SLC25A13: variants seen among roughly 807,000 people sequenced by gnomAD.
SLC25A13 encodes electrogenic aspartate/glutamate antiporter SLC25A13, mitochondrial.
SLC25A13 carries 70 observed loss-of-function variants against 85.5 expected under a neutral mutation model. The observed-to-expected ratio is 0.82, with a 90% confidence interval of 0.68 to 1.00. SLC25A13 has a LOEUF of 1.00. Among genes scored for constraint, SLC25A13 ranks in the 50% least tolerant of loss-of-function variants. The pLI is 0.00. For missense variants in SLC25A13, 765 were observed against 819.8 expected (o/e 0.93, Z 0.82); for synonymous variants, 259 against 288.7 (o/e 0.90, Z 1.04).
At chr7:96,301,340 G>T (rs1012575340) in intron 1 of SLC25A13, among the ~76,000 whole-genome samples, 1 of 152,072 alleles carries the variant, frequency 6.6e-6, no homozygotes, top group Non-Finnish European at 1.5e-5. Flanking sequence ...TTAATAGCAT[G>T]CAAATATTTA....
chr7:96,210,382 AAAAC>A (rs1395371005), intron 4 of SLC25A13, among the ~76,000 whole-genome samples: 5 of 152,334 alleles, frequency 3.3e-5, no homozygotes, highest in South Asian at 4.1e-4. Context: ...ATTTAAAGGA[AAAAC>A]AAACAAACAA....
At chr7:96,199,532 A>G (rs995912193) in intron 5 of SLC25A13, among the ~76,000 whole-genome samples, 3 of 152,176 alleles carry the variant, frequency 2.0e-5, no homozygotes, top group African/African-American at 7.2e-5. Flanking sequence ...ACAGTTACCA[A>G]CTGAAGACAA....
At chr7:96,283,972 T>C (rs1798791956) in intron 2 of SLC25A13, among the ~76,000 whole-genome samples, 1 of 152,122 alleles carries the variant, frequency 6.6e-6, no homozygotes, top group Admixed American at 6.5e-5. Context: ...TACCAAAAGA[T>C]GTGAGGTAAC....
intron 15 of SLC25A13, among the ~76,000 whole-genome samples, chr7:96,130,062 T>C (rs1391672816): frequency 2.6e-5 from 4 of 152,206 alleles, no homozygotes; most frequent in African/African-American, 9.6e-5. Context: ...TGAGTAATAT[T>C]AGTTTCAAAA....
chr7:96,295,872 CAT>C (rs551353913), intron 2 of SLC25A13, among the ~76,000 whole-genome samples: 157 of 150,642 alleles, frequency 1.0e-3, no homozygotes, highest in African/African-American at 3.5e-3. Context: ...AATAATATAT[CAT>C]ATATGTGTGT....
At chr7:96,201,794 G>A (rs891178821) in intron 5 of SLC25A13, among the ~76,000 whole-genome samples, 3 of 152,110 alleles carry the variant, frequency 2.0e-5, no homozygotes, top group African/African-American at 4.8e-5. Flanking sequence ...GTTGGGCGGG[G>A]GTAGTAGCAA....
chr7:96,239,386 A>G (rs900398190), intron 3 of SLC25A13, among the ~76,000 whole-genome samples: 1 of 148,530 alleles, frequency 6.7e-6, no homozygotes, highest in South Asian at 2.1e-4. Flanking sequence ...ATGTATATAC[A>G]TATATATATA....
intron 3 of SLC25A13, among the ~76,000 whole-genome samples, chr7:96,244,005 C>T (rs530275242): frequency 6.6e-6 from 1 of 152,130 alleles, no homozygotes; most frequent in Non-Finnish European, 1.5e-5. Context: ...CACGGGCCGC[C>T]GGGTGAAGCA....
At chr7:96,172,612 G>A (rs993651146) in intron 11 of SLC25A13, among the ~76,000 whole-genome samples, 1 of 151,870 alleles carries the variant, frequency 6.6e-6, no homozygotes, top group African/African-American at 2.4e-5. Flanking sequence ...CATGGGCTCA[G>A]TTCTGACCGA....
chr7:96,135,170 A>G (rs1439049941), intron 14 of SLC25A13, among the ~76,000 whole-genome samples: 1 of 152,192 alleles, frequency 6.6e-6, no homozygotes, highest in African/African-American at 2.4e-5. Flanking sequence ...AATATGTGTG[A>G]AAGTCCTTGT....
intron 13 of SLC25A13, among the ~76,000 whole-genome samples, chr7:96,157,988 C>T (rs1281603490): frequency 6.6e-6 from 1 of 152,168 alleles, no homozygotes; most frequent in Non-Finnish European, 1.5e-5. Context: ...TTAACAGTTA[C>T]ATGTGCCTTA....
chr7:96,293,902 C>G (rs1159151550), intron 2 of SLC25A13, among the ~76,000 whole-genome samples: 6 of 152,118 alleles, frequency 3.9e-5, no homozygotes, highest in Non-Finnish European at 7.3e-5. Flanking sequence ...ACTAGAAATA[C>G]CATTTGACCC....
At chr7:96,132,205 T>A (rs1288641070) in intron 14 of SLC25A13, among the ~76,000 whole-genome samples, 1 of 152,196 alleles carries the variant, frequency 6.6e-6, no homozygotes, top group East Asian at 1.9e-4. Context: ...GGCAAGCCAC[T>A]GGCATTTCAA....
chr7:96,297,830 T>C (rs1038354600), intron 1 of SLC25A13, among the ~76,000 whole-genome samples: 3 of 152,196 alleles, frequency 2.0e-5, no homozygotes, highest in African/African-American at 7.2e-5. Context: ...CTACATATTT[T>C]AGAAATACAA....
intron 5 of SLC25A13, among the ~76,000 whole-genome samples, chr7:96,200,946 T>C (rs947794946): frequency 3.9e-5 from 6 of 152,190 alleles, no homozygotes; most frequent in South Asian, 2.1e-4. Flanking sequence ...TGCATCTTAC[T>C]GTCCAAGTGA....
Position 96,130,825 on chromosome 7 carries a change from G to A in SLC25A13, c.1591+918C>T, listed in dbSNP as rs77809412. Among the ~76,000 whole-genome samples, 944 of 152,276 alleles carry A rather than the reference G, an allele frequency of 6.2e-3. 12 individuals carry two copies. The highest frequency in any genetic ancestry group is 0.021 in the African/African-American group (893 of 41,554). On this transcript the variant is annotated intron_variant, in intron 15 of 17. Transcript: ENST00000265631. ...ATATACCAATATCACTGCCTTTGAA[G>A]GAAAAGGATTAACTAAGAATTAAGG...
At position 96,322,055 on chromosome 7, in the gene SLC25A13, G is replaced by A. The variant is rs972820304; in HGVS notation, c.-99C>T. The A allele has an allele frequency of 7.6e-5, 112 of 1,475,462 alleles. No individual in the cohort carries two copies. The highest frequency in any genetic ancestry group is 9.7e-5 in the Non-Finnish European group (106 of 1,097,598). 91.4% of individuals were successfully genotyped at this position (1,475,462 alleles called of 1,614,324 possible). A position where few individuals can be genotyped will look rare whatever the true frequency, so the allele number is the denominator to read the frequency against. ...TTCTAGTCCCGGCGGCGGCGGCGGT[G>A]GGGGCGGCGATACGGCCAGGCAGCG... On this transcript the variant is annotated 5_prime_UTR_variant, in exon 1 of 18. Transcript: ENST00000265631.
intron 1 of SLC25A13, among the ~76,000 whole-genome samples, chr7:96,309,213 A>T (rs1562922876): frequency 6.6e-6 from 1 of 152,214 alleles, no homozygotes; most frequent in African/African-American, 2.4e-5. Context: ...GGGCTGAAAC[A>T]GCAGCAATGG....
intron 2 of SLC25A13, among the ~76,000 whole-genome samples, chr7:96,288,693 C>A (rs1798991187): frequency 6.6e-6 from 1 of 152,162 alleles, no homozygotes; most frequent in South Asian, 2.1e-4. Context: ...GTCTGAGATC[C>A]AACTGCAAGG....
Sources: allele counts gnomAD v4.1 joint callset (sites outside exome capture counted in the v4.1 genomes callset), GRCh38; gene constraint gnomAD v4.1.1; transcripts MANE v1.5; gene names NCBI Gene and HGNC (gene_info 2026-07-23, HGNC 2026-07-21).